HTR2A: variants seen among roughly 807,000 people sequenced by gnomAD.
HTR2A encodes 5-HT2 receptor.
Under a neutral mutation model 31.0 loss-of-function variants are expected in HTR2A, and 14 were observed. The ratio of observed to expected loss-of-function variants is 0.45; its 90% CI spans 0.30 to 0.71. HTR2A has a LOEUF of 0.71. Ranked by LOEUF, HTR2A falls within the 30% of genes least tolerant of loss-of-function variation. The pLI, the probability that HTR2A is intolerant of heterozygous loss-of-function variation, is 0.09. For missense variants in HTR2A, 442 were observed against 573.3 expected, an observed-to-expected ratio of 0.77 and a Z score of 2.34; for synonymous variants, 209 against 225.2, an observed-to-expected ratio of 0.93 and a Z score of 0.64.
At chr13:46,891,491 C>G (rs868016791) in intron 3 of HTR2A, among the ~76,000 whole-genome samples, 1 of 152,190 alleles carries the variant, frequency 6.6e-6, no homozygotes, top group African/African-American at 2.4e-5. Context: ...TGTGTTGGCT[C>G]TTATTATTGG....
At chr13:46,871,927 A>G (rs1325864009) in intron 3 of HTR2A, among the ~76,000 whole-genome samples, 4 of 152,250 alleles carry the variant, frequency 2.6e-5, no homozygotes, top group Non-Finnish European at 5.9e-5. Flanking sequence ...CCTGCATAAG[A>G]CATGATTTTC....
At chr13:46,853,382 G>A (rs943648541) in intron 3 of HTR2A, among the ~76,000 whole-genome samples, 1 of 152,142 alleles carries the variant, frequency 6.6e-6, no homozygotes, top group Non-Finnish European at 1.5e-5. Flanking sequence ...TGGGCTGGGA[G>A]GAGAAAGAGC....
intron 3 of HTR2A, among the ~76,000 whole-genome samples, chr13:46,891,258 T>A (rs1156909328): frequency 1.3e-5 from 2 of 152,236 alleles, no homozygotes; most frequent in African/African-American, 4.8e-5. Flanking sequence ...GACACAAGTG[T>A]GATTTGTTAG....
intron 3 of HTR2A, among the ~76,000 whole-genome samples, chr13:46,860,971 C>T (rs2770292): frequency 6.6e-6 from 1 of 151,996 alleles, no homozygotes; most frequent in Admixed American, 6.5e-5. Context: ...AAATGAAATG[C>T]AAATTCAGAT....
At chr13:46,864,872 G>A (rs1268804711) in intron 3 of HTR2A, among the ~76,000 whole-genome samples, 1 of 152,078 alleles carries the variant, frequency 6.6e-6, no homozygotes, top group Non-Finnish European at 1.5e-5. Context: ...TTCCCTCTAT[G>A]TGTATCATAT....
At chr13:46,868,854 T>G (rs1950840985) in intron 3 of HTR2A, among the ~76,000 whole-genome samples, 1 of 152,172 alleles carries the variant, frequency 6.6e-6, no homozygotes, top group South Asian at 2.1e-4. Flanking sequence ...CAATATGTAT[T>G]AAAATATTCT....
intron 3 of HTR2A, among the ~76,000 whole-genome samples, chr13:46,872,360 G>A (rs1223164160): frequency 6.6e-6 from 1 of 152,180 alleles, no homozygotes; most frequent in African/African-American, 2.4e-5. Flanking sequence ...ACAAATGGAA[G>A]TGCTAATATT....
intron 3 of HTR2A, among the ~76,000 whole-genome samples, chr13:46,853,376 C>T (rs931218396): frequency 1.3e-4 from 20 of 152,158 alleles, no homozygotes; most frequent in Admixed American, 8.5e-4. Context: ...AACCCTTGGG[C>T]TGGGAGGAGA....
At chr13:46,874,415 A>G (rs755263873) in intron 3 of HTR2A, among the ~76,000 whole-genome samples, 3 of 152,112 alleles carry the variant, frequency 2.0e-5, no homozygotes, top group Admixed American at 6.6e-5. Flanking sequence ...CTATTTCTCT[A>G]TCCCTCTTTT....
intron 3 of HTR2A, among the ~76,000 whole-genome samples, chr13:46,876,397 TATA>T (rs1490481457): frequency 1.1e-4 from 10 of 87,950 alleles, no homozygotes; most frequent in East Asian, 3.3e-4. Flanking sequence ...TATATATATA[TATA>T]TATATTTTTT....
In HTR2A at chr13:46,895,896, A is replaced by G; in HGVS notation, c.11T>C (p.Leu4Pro). 6.2e-6 allele frequency: 10 copies of G among 1,609,898 alleles called. No individual in the cohort carries two copies. The highest frequency in any genetic ancestry group is 8.5e-6 in the Non-Finnish European group (10 of 1,177,712). The change falls in exon 2 of 4, where the codon CTT becomes CCT. Residue 4 changes from leucine (L) to proline (P), a missense_variant. Around this residue, in one of 5 missense-constraint regions of HTR2A, gnomAD observed 83 missense variants for 84.8 expected, o/e 0.98. Coordinates refer to ENST00000542664, the MANE Select transcript of HTR2A (RefSeq NM_000621.5). The surrounding 1 kb of genome is among the most constrained non-coding windows in gnomAD (Gnocchi z 4.4). ...GCTCAAAGAAGTATTTTCTTCACAA[A>G]GAATATCCATGTCTAAGCCAGAACT... MDI[L>P]CEENTSLSST... is the part of the protein sequence containing the mutation.
chr13:46,834,749 A>T lies in HTR2A; in HGVS notation c.*88T>A. On this transcript the variant is annotated 3_prime_UTR_variant, in exon 4 of 4. Coordinates refer to ENST00000542664, the MANE Select transcript of HTR2A (RefSeq NM_000621.5). ...ATCGTTGGTTCCACTAGACTTGTCT[A>T]ATTTTTTCCAATCTCATATTTTTTT... 2.8e-6 allele frequency: 3 copies of T among 1,063,398 alleles called. No homozygotes were observed. The highest frequency in any genetic ancestry group is 4.1e-6 in the Non-Finnish European group (3 of 734,108). 65.9% of individuals were successfully genotyped at this position (1,063,398 alleles called of 1,614,324 possible).
chr13:46,872,799 C>T (rs1950873965), intron 3 of HTR2A, among the ~76,000 whole-genome samples: 2 of 152,186 alleles, frequency 1.3e-5, no homozygotes, highest in African/African-American at 4.8e-5. Context: ...GTAGGCAGTG[C>T]TTCTCAGAGT....
At chr13:46,837,418 T>G (rs1950569875) in intron 3 of HTR2A, among the ~76,000 whole-genome samples, 1 of 152,172 alleles carries the variant, frequency 6.6e-6, no homozygotes, top group African/African-American at 2.4e-5. Context: ...TAAGATTGTT[T>G]CTTTCATGAA....
intron 3 of HTR2A, among the ~76,000 whole-genome samples, chr13:46,882,108 C>A (rs902677493): frequency 1.3e-5 from 2 of 151,634 alleles, no homozygotes; most frequent in African/African-American, 4.8e-5. Flanking sequence ...AAAAAGTATG[C>A]CAGTCAAAAG....
Position 46,847,417 on chromosome 13 carries a change from C to T in HTR2A, c.614-11778G>A, listed in dbSNP as rs547333295. On this transcript the variant is annotated intron_variant, in intron 3 of 3. Transcript: ENST00000542664. ...GCTATCATCTCAAATGCTTACAGGG[C>T]CAGTGAAGTAATGTAATTGAGCTAC... Among the ~76,000 whole-genome samples the T allele has an allele frequency of 5.9e-5, 9 of 152,226 alleles. No individual in the cohort carries two copies. In the East Asian group the frequency reaches 1.4e-3, roughly 23 times the overall value.
chr13:46,876,643 C>T (rs1381220386), intron 3 of HTR2A, among the ~76,000 whole-genome samples: 1 of 151,836 alleles, frequency 6.6e-6, no homozygotes, highest in Admixed American at 6.6e-5. Flanking sequence ...GTCTCGATCT[C>T]CTGACCTTGT....
chr13:46,855,755 T>G (rs1950731169), intron 3 of HTR2A, among the ~76,000 whole-genome samples: 1 of 152,180 alleles, frequency 6.6e-6, no homozygotes, highest in Non-Finnish European at 1.5e-5. Flanking sequence ...AATATTTAAC[T>G]TAAATATCTA....
chr13:46,865,696 T>A (rs1013477206), intron 3 of HTR2A, among the ~76,000 whole-genome samples: 7 of 152,180 alleles, frequency 4.6e-5, no homozygotes, highest in African/African-American at 1.7e-4. Flanking sequence ...TAAATTTAAG[T>A]TGATAAAATA....
Sources: allele counts gnomAD v4.1 joint callset (sites outside exome capture counted in the v4.1 genomes callset), GRCh38; gene constraint gnomAD v4.1.1; regional missense constraint gnomAD v4.1.1; non-coding constraint Gnocchi (gnomAD v3.1); transcripts MANE v1.5; gene names NCBI Gene and HGNC (gene_info 2026-07-23, HGNC 2026-07-21).